The following AGAP1 variants were observed in gnomAD, a reference collection of about 807,000 sequenced individuals.
AGAP1 encodes ArfGAP with GTPase domain, ankyrin repeat and PH domain 1, also known as arf-GAP with GTPase, ANK repeat and PH domain-containing protein 1.
In AGAP1, 29 loss-of-function variants were observed where a neutral mutation model predicts 105.3. The observed-to-expected ratio is 0.28, with a 90% CI of 0.21 to 0.38. The LOEUF (loss-of-function observed/expected upper bound fraction) is 0.38, where lower values mean the gene tolerates loss of function less well. Among genes scored for constraint, AGAP1 ranks in the 10% least tolerant of loss-of-function variants. AGAP1 has a pLI of 1.00. For synonymous variants in AGAP1, 509 were observed against 485.9 expected (o/e 1.05, Z -0.63); for missense variants, 998 against 1,165.1 (o/e 0.86, Z 2.09).
At chr2:235,947,547 C>T (rs1261952151) in intron 12 of AGAP1, among the ~76,000 whole-genome samples, 3 of 152,184 alleles carry the variant, frequency 2.0e-5, no homozygotes, top group African/African-American at 7.2e-5. Context: ...CATGCATGTG[C>T]AAGTGTCTTT....
rs545546207 is a variant in AGAP1, at chr2:235,621,946, G to T, written c.164-87233G>T. On this transcript the variant is annotated intron_variant, in intron 1 of 17. Coordinates refer to ENST00000304032, the MANE Select transcript of AGAP1 (RefSeq NM_001037131.3). This position sits in a 1 kb window ranked among gnomAD's most constrained non-coding sequence, Gnocchi z 4.1. ...CAGCGGCCACTGTGTGGATGTTTCT[G>T]ACGGCCTCTTACAGACTCTGTCCTT... Among the ~76,000 whole-genome samples, 1 of 152,102 alleles carries T rather than the reference G, an allele frequency of 6.6e-6. No homozygotes were observed. Among genetic ancestry groups the T allele is most frequent in the East Asian group, 1.9e-4 (1 of 5,144 alleles).
intron 6 of AGAP1, among the ~76,000 whole-genome samples, chr2:235,760,921 A>G (rs1166948380): frequency 6.6e-6 from 1 of 152,174 alleles, no homozygotes; most frequent in African/African-American, 2.4e-5. Context: ...CTCTCAGTCT[A>G]TCGCTTGATT....
intron 1 of AGAP1, among the ~76,000 whole-genome samples, chr2:235,548,209 A>G (rs1289763653): frequency 6.6e-6 from 1 of 152,184 alleles, no homozygotes; most frequent in African/African-American, 2.4e-5. Flanking sequence ...ACTGGTAGTG[A>G]CAGGGCTGCC....
chr2:235,961,221 G>T lies in AGAP1; in HGVS notation c.1484-7241G>T, dbSNP rs1003642687. 1.3e-5 allele frequency among the ~76,000 whole-genome samples: 2 copies of T among 152,224 alleles called. No individual in the cohort carries two copies. The highest frequency in any genetic ancestry group is 4.8e-5 in the African/African-American group (2 of 41,456). On this transcript the variant is annotated intron_variant, in intron 12 of 17. Transcript: ENST00000304032. This position sits in a 1 kb window ranked among gnomAD's most constrained non-coding sequence, Gnocchi z 5.9. ...GCCACGGAGCACAGGGGGCCGGGAG[G>T]GGCTGGATGCGCCAGTGGCCAGCTT...
rs2058568967 is a variant in AGAP1 at position 236,073,889 on chromosome 2, C to A, written c.2114+24608C>A. 6.6e-6 allele frequency among the ~76,000 whole-genome samples: 1 copy of A among 152,016 alleles called. No individual in the cohort carries two copies. Among genetic ancestry groups the A allele is most frequent in the Admixed American group, 6.6e-5 (1 of 15,254 alleles). ...CCAGAATCACACTATGCTGGTTGGC[C>A]TGGGCATGCCCCTCCCCCCAAGCAT... On this transcript the variant is annotated intron_variant, in intron 16 of 17. Coordinates refer to ENST00000304032, the MANE Select transcript of AGAP1 (RefSeq NM_001037131.3). This position sits in a 1 kb window ranked among gnomAD's most constrained non-coding sequence, Gnocchi z 5.4.
chr2:235,526,748 C>A (rs1942855992), intron 1 of AGAP1, among the ~76,000 whole-genome samples: 1 of 152,114 alleles, frequency 6.6e-6, no homozygotes, highest in African/African-American at 2.4e-5. Context: ...GTCATTGCCA[C>A]CCTGAGTTTG....
rs1284205552 is a variant in AGAP1, at chr2:235,747,199, C to T, written c.538+2360C>T. Among the ~76,000 whole-genome samples, 2 of 152,160 alleles carry T rather than the reference C, an allele frequency of 1.3e-5. No homozygotes were observed. The highest frequency in any genetic ancestry group is 4.8e-5 in the African/African-American group (2 of 41,444). On this transcript the variant is annotated intron_variant, in intron 5 of 17. Transcript: ENST00000304032. The surrounding 1 kb of genome is among the most constrained non-coding windows in gnomAD (Gnocchi z 5.0). Reference sequence around the variant, plus strand: ...CTGCCCCTGGAGGCAGCGTATCCCTCTGAGTCTCCTGCCTGAGCCAAGGGG... The same window carrying T: ...CTGCCCCTGGAGGCAGCGTATCCCTTTGAGTCTCCTGCCTGAGCCAAGGGG...
rs1946448489 is a variant in AGAP1, at chr2:235,620,680, G to A, written c.164-88499G>A. Among the ~76,000 whole-genome samples, 1 of 152,066 alleles carries A rather than the reference G, an allele frequency of 6.6e-6. No homozygotes were observed. The highest frequency in any genetic ancestry group is 6.5e-5 in the Admixed American group (1 of 15,270). On this transcript the variant is annotated intron_variant, in intron 1 of 17. Transcript: ENST00000304032. This position sits in a 1 kb window ranked among gnomAD's most constrained non-coding sequence, Gnocchi z 4.5. ...TAAACCCCAGCTCCCTGACATGTCTGGTGTCTCTCTCTCCCCACTGGATGG... is the reference window on the plus strand; with the variant it reads ...TAAACCCCAGCTCCCTGACATGTCTAGTGTCTCTCTCTCCCCACTGGATGG...
chr2:235,616,755 C>T (rs1946319340), intron 1 of AGAP1, among the ~76,000 whole-genome samples: 1 of 152,142 alleles, frequency 6.6e-6, no homozygotes, highest in South Asian at 2.1e-4. Flanking sequence ...ATGTTTCTGT[C>T]CTGAACAGAT....
Position 236,042,529 on chromosome 2 carries a change from A to C in AGAP1, c.1891+1688A>C, listed in dbSNP as rs13386306. Among the ~76,000 whole-genome samples the C allele has an allele frequency of 2.7e-3, 405 of 152,358 alleles. 3 individuals carry two copies. The highest frequency in any genetic ancestry group is 9.2e-3 in the African/African-American group (383 of 41,584). On this transcript the variant is annotated intron_variant, in intron 15 of 17. Coordinates refer to ENST00000304032, the MANE Select transcript of AGAP1 (RefSeq NM_001037131.3). This position sits in a 1 kb window ranked among gnomAD's most constrained non-coding sequence, Gnocchi z 5.6. Reference sequence around the variant, plus strand: ...AAGTTTTAAAAGTAAGAGCTTTTTTAAAAGCACGAATCTGAGAAATATTAG... The same window carrying C: ...AAGTTTTAAAAGTAAGAGCTTTTTTCAAAGCACGAATCTGAGAAATATTAG...
At chr2:235,846,499 G>GT (rs1261377521) in intron 9 of AGAP1, among the ~76,000 whole-genome samples, 2 of 93,400 alleles carry the variant, frequency 2.1e-5, no homozygotes, top group African/African-American at 7.3e-5. Context: ...GCTAATTTTT[G>GT]GTTTTTTTTT....
At chr2:235,851,052 C>T (rs1401067303) in intron 9 of AGAP1, among the ~76,000 whole-genome samples, 1 of 152,216 alleles carries the variant, frequency 6.6e-6, no homozygotes, top group Non-Finnish European at 1.5e-5. Context: ...TTGGTGTTCA[C>T]AGGACTCTCC....
intron 6 of AGAP1, among the ~76,000 whole-genome samples, chr2:235,795,436 A>C (rs1957200669): frequency 6.6e-6 from 1 of 152,200 alleles, no homozygotes; most frequent in African/African-American, 2.4e-5. Flanking sequence ...ATTACAAAGG[A>C]GTCCTTTCCC....
intron 1 of AGAP1, among the ~76,000 whole-genome samples, chr2:235,634,956 C>T (rs1407049896): frequency 1.3e-5 from 2 of 151,880 alleles, no homozygotes; most frequent in South Asian, 2.1e-4. Context: ...CCCACCTCCT[C>T]ACCCTCAGCC....
intron 14 of AGAP1, among the ~76,000 whole-genome samples, chr2:236,037,462 A>T (rs184496174): frequency 2.0e-5 from 3 of 152,194 alleles, no homozygotes; most frequent in African/African-American, 7.2e-5. Context: ...CAGTGGCACA[A>T]TCTTAGCTCA....
intron 1 of AGAP1, among the ~76,000 whole-genome samples, chr2:235,508,573 A>G (rs1941935999): frequency 6.6e-6 from 1 of 152,152 alleles, no homozygotes; most frequent in African/African-American, 2.4e-5. Context: ...TTTTGATTAC[A>G]TGAGGAGGAG....
In AGAP1 at chr2:235,601,052, C is replaced by T. The variant is rs1945714980; in HGVS notation, c.163+106203C>T. Among the ~76,000 whole-genome samples the T allele has an allele frequency of 6.6e-6, 1 of 152,236 alleles. No homozygotes were observed. The highest frequency in any genetic ancestry group is 1.5e-5 in the Non-Finnish European group (1 of 68,054). Reference sequence around the variant, plus strand: ...TATCCAGCCAAGCTGGGAAACGCCACTGCCACAGTACCTGCAGGGTCCAGC... The same window carrying T: ...TATCCAGCCAAGCTGGGAAACGCCATTGCCACAGTACCTGCAGGGTCCAGC... On this transcript the variant is annotated intron_variant, in intron 1 of 17. Transcript: ENST00000304032. The surrounding 1 kb of genome is among the most constrained non-coding windows in gnomAD (Gnocchi z 4.4).
Position 235,793,617 on chromosome 2 carries a change from T to C in AGAP1, c.674-4142T>C, listed in dbSNP as rs11686787. On this transcript the variant is annotated intron_variant, in intron 6 of 17. Coordinates refer to ENST00000304032, the MANE Select transcript of AGAP1 (RefSeq NM_001037131.3). The surrounding 1 kb of genome is among the most constrained non-coding windows in gnomAD (Gnocchi z 5.3). ...ATGAAATGAGTTAATAGATGGGAAG[T>C]GTGGGCCGCCTAGCCCTGCTCAGCC... Among the ~76,000 whole-genome samples, 717 of 152,086 alleles carry C rather than the reference T, an allele frequency of 4.7e-3. 4 individuals carry two copies. The highest frequency in any genetic ancestry group is 8.1e-3 in the Non-Finnish European group (554 of 68,006).
chr2:235,641,912 A>G (rs1406663988), intron 1 of AGAP1, among the ~76,000 whole-genome samples: 1 of 152,178 alleles, frequency 6.6e-6, no homozygotes, highest in African/African-American at 2.4e-5. Flanking sequence ...CTTCACAGTT[A>G]TCATTTGAAC....
Sources: allele counts gnomAD v4.1 joint callset (sites outside exome capture counted in the v4.1 genomes callset), GRCh38; gene constraint gnomAD v4.1.1; non-coding constraint Gnocchi (gnomAD v3.1); transcripts MANE v1.5; gene names NCBI Gene and HGNC (gene_info 2026-07-23, HGNC 2026-07-21).